MYO6: variants seen among roughly 807,000 people sequenced by gnomAD.
MYO6 encodes the protein myosin VI, also known as unconventional myosin-VI.
In MYO6, 74 loss-of-function variants were observed where a neutral mutation model predicts 178.7. The ratio of observed to expected loss-of-function variants is 0.41; its 90% CI spans 0.34 to 0.50. MYO6 has a LOEUF of 0.50. MYO6 is among the 20% of genes least tolerant of loss of function. The pLI, the probability that MYO6 is intolerant of heterozygous loss-of-function variation, is 0.09. For missense variants in MYO6, 1,330 were observed against 1,547.4 expected (o/e 0.86, Z 2.36); for synonymous variants, 477 against 504.6 (o/e 0.95, Z 0.73).
intron 1 of MYO6, among the ~76,000 whole-genome samples, chr6:75,800,151 A>G (rs924140018): frequency 6.6e-6 from 1 of 151,950 alleles, no homozygotes; most frequent in Non-Finnish European, 1.5e-5. Flanking sequence ...TCATGGTTCA[A>G]CCCCCCTCCA....
chr6:75,844,986 G>T lies in MYO6; in HGVS notation c.897+9G>T. The T allele has an allele frequency of 6.3e-7, 1 of 1,598,986 alleles. No individual in the cohort carries two copies. Among genetic ancestry groups the T allele is most frequent in the Non-Finnish European group, 8.6e-7 (1 of 1,167,130 alleles). ...ACCGCAAAAGTCCTGAGGTATAGTAGACCATTGTTCATAAAATCTTTAACT... is the reference window on the plus strand; with the variant it reads ...ACCGCAAAAGTCCTGAGGTATAGTATACCATTGTTCATAAAATCTTTAACT... On this transcript the variant is annotated intron_variant, in intron 10 of 34. Coordinates refer to ENST00000369977, the MANE Select transcript of MYO6 (RefSeq NM_004999.4).
chr6:75,824,550 GCA>G lies in MYO6; in HGVS notation c.187+1712_187+1713del, dbSNP rs984597097. 1.5e-4 allele frequency among the ~76,000 whole-genome samples: 22 copies of G among 151,276 alleles called. No individual in the cohort carries two copies. The East Asian group carries it at 3.9e-3, about 27-fold the overall frequency. On this transcript the variant is annotated intron_variant, in intron 3 of 34. Coordinates refer to ENST00000369977, the MANE Select transcript of MYO6 (RefSeq NM_004999.4). ...AGTGGTAGCTTTGTGTTATACACTT[GCA>G]CACACACACACATGCACACACACAC...
At chr6:75,784,933 A>T (rs1767385406) in intron 1 of MYO6, among the ~76,000 whole-genome samples, 1 of 152,186 alleles carries the variant, frequency 6.6e-6, no homozygotes, top group South Asian at 2.1e-4. Context: ...GGTGGGGGGC[A>T]GTGTAATAAT....
intron 30 of MYO6, among the ~76,000 whole-genome samples, chr6:75,898,726 T>C (rs1380073199): frequency 6.6e-6 from 1 of 152,152 alleles, no homozygotes; most frequent in Non-Finnish European, 1.5e-5. Context: ...CTTCCCCTCA[T>C]CATGACAAAA....
chr6:75,880,604 C>CT (rs1426044738), intron 22 of MYO6, among the ~76,000 whole-genome samples: 4 of 152,202 alleles, frequency 2.6e-5, no homozygotes, highest in Non-Finnish European at 5.9e-5. Context: ...ACAATCTTGT[C>CT]TTAGAGCTTT....
intron 1 of MYO6, among the ~76,000 whole-genome samples, chr6:75,782,482 A>C (rs1164346271): frequency 6.6e-6 from 1 of 152,188 alleles, no homozygotes; most frequent in Non-Finnish European, 1.5e-5. Context: ...TTAAAAGGAA[A>C]AATGGAAAGA....
intron 1 of MYO6, among the ~76,000 whole-genome samples, chr6:75,787,958 A>G (rs1767841408): frequency 6.6e-6 from 1 of 150,620 alleles, no homozygotes; most frequent in Non-Finnish European, 1.5e-5. Flanking sequence ...TAGGAGTCTC[A>G]CTATGTTGCC....
chr6:75,860,821 G>A (rs755278308), intron 14 of MYO6, among the ~76,000 whole-genome samples: 25 of 152,130 alleles, frequency 1.6e-4, no homozygotes, highest in Non-Finnish European at 2.6e-4. Context: ...GAGCCCATTT[G>A]CAGTTAATTG....
chr6:75,893,401 A>G (rs1472096626), intron 28 of MYO6, among the ~76,000 whole-genome samples: 3 of 152,184 alleles, frequency 2.0e-5, no homozygotes, highest in African/African-American at 7.2e-5. Flanking sequence ...GTTCCTTTGT[A>G]TGTAGGTATA....
At chr6:75,836,319 A>G (rs1347224089) in intron 7 of MYO6, among the ~76,000 whole-genome samples, 5 of 152,208 alleles carry the variant, frequency 3.3e-5, no homozygotes, top group African/African-American at 1.2e-4. Context: ...ATTTGGCATT[A>G]GGTGCTTTTT....
intron 29 of MYO6, among the ~76,000 whole-genome samples, chr6:75,898,035 A>G (rs1299605025): frequency 2.0e-5 from 3 of 152,338 alleles, no homozygotes; most frequent in South Asian, 4.1e-4. Flanking sequence ...TGGAATCTAT[A>G]TCTTGCCAAG....
At chr6:75,911,799 G>A in intron 33 of MYO6, 101 bp downstream of exon 33, 1 of 1,143,318 alleles carries the variant, frequency 8.7e-7, no homozygotes, top group Non-Finnish European at 1.3e-6. Flanking sequence ...ACAATTTTCA[G>A]TGGAATTGTA....
intron 1 of MYO6, among the ~76,000 whole-genome samples, chr6:75,808,482 A>C (rs916945187): frequency 2.0e-5 from 3 of 152,164 alleles, no homozygotes; most frequent in African/African-American, 7.2e-5. Flanking sequence ...CCTGTCTCCA[A>C]ATACAGAGAC....
intron 1 of MYO6, among the ~76,000 whole-genome samples, chr6:75,802,300 C>T (rs1769547480): frequency 1.3e-5 from 2 of 151,658 alleles, no homozygotes; most frequent in South Asian, 4.2e-4. Context: ...GAAATCCTGT[C>T]TCTACTAAAA....
intron 29 of MYO6, among the ~76,000 whole-genome samples, chr6:75,897,372 T>C (rs1779384847): frequency 6.6e-6 from 1 of 152,222 alleles, no homozygotes; most frequent in South Asian, 2.1e-4. Context: ...TGTGTTATAT[T>C]TTGTTTTTGC....
intron 1 of MYO6, among the ~76,000 whole-genome samples, chr6:75,805,002 C>CACATATAT (rs1554199386): frequency 6.3e-4 from 40 of 63,968 alleles, no homozygotes; most frequent in Admixed American, 3.1e-3. Flanking sequence ...TACACACACA[C>CACATATAT]ATATATATAT....
intron 1 of MYO6, among the ~76,000 whole-genome samples, chr6:75,795,761 A>T (rs575120210): frequency 3.3e-5 from 5 of 152,154 alleles, no homozygotes; most frequent in Admixed American, 3.3e-4. Flanking sequence ...ATATTACTGT[A>T]TTTCTTTAAT....
At chr6:75,905,505 C>T in intron 30 of MYO6, among the ~76,000 whole-genome samples, 1 of 152,240 alleles carries the variant, frequency 6.6e-6, no homozygotes. Context: ...TCACCCCTTT[C>T]TTTGACTAGG....
At chr6:75,789,229 C>T (rs1439501885) in intron 1 of MYO6, among the ~76,000 whole-genome samples, 1 of 152,090 alleles carries the variant, frequency 6.6e-6, no homozygotes, top group Non-Finnish European at 1.5e-5. Flanking sequence ...ATTTTATATA[C>T]TGCTAAGAAA....
Sources: gnomAD v4.1 joint callset for allele counts (sites outside exome capture counted in the v4.1 genomes callset) on GRCh38, gnomAD v4.1.1 for gene constraint, MANE v1.5 for transcripts, NCBI Gene and HGNC (gene_info 2026-07-23, HGNC 2026-07-21) for gene names.